The following RGS6 variants were observed in gnomAD, a reference collection of about 807,000 sequenced individuals.
RGS6 encodes regulator of G-protein signaling 6.
A neutral mutation model predicts 78.5 loss-of-function variants in RGS6; 30 were observed. The ratio of observed to expected loss-of-function variants is 0.38; its 90% CI spans 0.29 to 0.52. The LOEUF (loss-of-function observed/expected upper bound fraction) is 0.52, where lower values mean the gene tolerates loss of function less well. Ranked by LOEUF, RGS6 falls within the 20% of genes least tolerant of loss-of-function variation. The pLI is 0.85. For synonymous variants in RGS6, 206 were observed against 206.0 expected, an observed-to-expected ratio of 1.00 and a Z score of 0.00; for missense variants, 495 against 609.7, an observed-to-expected ratio of 0.81 and a Z score of 1.98.
At chr14:72,205,278 T>G (rs911188712) in intron 2 of RGS6, among the ~76,000 whole-genome samples, 2 of 152,156 alleles carry the variant, frequency 1.3e-5, no homozygotes. Flanking sequence ...TTTATTCTCT[T>G]TCTTCCATGC....
chr14:71,953,320 G>T (rs935568014), intron 1 of RGS6, among the ~76,000 whole-genome samples: 2 of 152,114 alleles, frequency 1.3e-5, no homozygotes, highest in Non-Finnish European at 2.9e-5. Flanking sequence ...GAGTTCTGTG[G>T]GCCATACAGT....
chr14:72,080,288 AT>A (rs893963359), intron 2 of RGS6, among the ~76,000 whole-genome samples: 2 of 150,406 alleles, frequency 1.3e-5, no homozygotes, highest in African/African-American at 4.9e-5. Context: ...TAGTGTTGTT[AT>A]TTTTTTTTCA....
chr14:72,158,800 G>A (rs2096809917), intron 2 of RGS6, among the ~76,000 whole-genome samples: 1 of 152,160 alleles, frequency 6.6e-6, no homozygotes, highest in Non-Finnish European at 1.5e-5. Flanking sequence ...CTAAGATTTG[G>A]GACATAGAGC....
intron 2 of RGS6, among the ~76,000 whole-genome samples, chr14:71,969,093 C>A (rs1312062816): frequency 5.3e-5 from 8 of 152,166 alleles, no homozygotes; most frequent in Non-Finnish European, 8.8e-5. Context: ...TTTGTTCTTG[C>A]AATAGTTTGC....
chr14:72,548,450 TGG>T (rs1403794378), intron 17 of RGS6, among the ~76,000 whole-genome samples: 11 of 151,988 alleles, frequency 7.2e-5, no homozygotes, highest in African/African-American at 2.4e-4. Flanking sequence ...AAAAATTTCT[TGG>T]GTTGTAATTG....
At chr14:72,432,792 A>G (rs948496548) in intron 3 of RGS6, among the ~76,000 whole-genome samples, 5 of 152,184 alleles carry the variant, frequency 3.3e-5, no homozygotes, top group African/African-American at 9.6e-5. Context: ...GTTTATTTTA[A>G]CAAAATTCTA....
the RGS6 span, among the ~76,000 whole-genome samples, chr14:71,897,180 T>G: frequency 6.6e-6 from 1 of 152,210 alleles, no homozygotes; most frequent in East Asian, 1.9e-4. Context: ...AGATAATTGT[T>G]TATTGAATCA....
the RGS6 span, among the ~76,000 whole-genome samples, chr14:71,874,125 G>T: frequency 6.6e-6 from 1 of 152,100 alleles, no homozygotes; most frequent in African/African-American, 2.4e-5. Flanking sequence ...GGCAATGTGG[G>T]CTCTTTTTTG....
chr14:72,304,349 C>T (rs4903009), intron 2 of RGS6, among the ~76,000 whole-genome samples: 8,840 of 152,216 alleles, frequency 0.058, 431 homozygotes, highest in East Asian at 0.3. Context: ...TCCATATTAC[C>T]ACATAGAGCA....
intron 14 of RGS6, among the ~76,000 whole-genome samples, chr14:72,517,324 A>G (rs1440087906): frequency 6.6e-6 from 1 of 152,010 alleles, no homozygotes; most frequent in African/African-American, 2.4e-5. Flanking sequence ...TTACTCACTG[A>G]TGGGGGAGCT....
intron 6 of RGS6, among the ~76,000 whole-genome samples, chr14:72,462,830 T>A (rs1188286261): frequency 6.6e-6 from 1 of 152,178 alleles, no homozygotes; most frequent in Non-Finnish European, 1.5e-5. Flanking sequence ...TACTTGATGG[T>A]TGCCAAGGTT....
intron 2 of RGS6, among the ~76,000 whole-genome samples, chr14:72,134,699 CA>C (rs144884047): frequency 6.6e-6 from 1 of 152,260 alleles, no homozygotes; most frequent in African/African-American, 2.4e-5. Context: ...GCTGGAGAAC[CA>C]GAAGAGCTGG....
At chr14:72,116,411 T>C (rs1346255249) in intron 2 of RGS6, among the ~76,000 whole-genome samples, 1 of 152,070 alleles carries the variant, frequency 6.6e-6, no homozygotes, top group Non-Finnish European at 1.5e-5. Context: ...TGGCATTTTC[T>C]GTTGGGTAAT....
chr14:72,445,933 G>A (rs1259462165), intron 3 of RGS6, among the ~76,000 whole-genome samples: 1 of 152,114 alleles, frequency 6.6e-6, no homozygotes, highest in East Asian at 1.9e-4. Flanking sequence ...ATTAGGGTGG[G>A]CCCTAATCTG....
intron 2 of RGS6, among the ~76,000 whole-genome samples, chr14:72,021,931 A>G (rs2088685826): frequency 6.7e-6 from 1 of 148,608 alleles, no homozygotes; most frequent in Non-Finnish European, 1.5e-5. Flanking sequence ...TCCTTCTGCC[A>G]CCCCCACCCT....
rs534119001 is a variant in RGS6 at position 72,262,767 on chromosome 14, C to T, written c.85-89328C>T. 5.3e-4 allele frequency among the ~76,000 whole-genome samples: 81 copies of T among 152,260 alleles called. No individual in the cohort carries two copies. In the Middle Eastern group the frequency reaches 0.01, roughly 19 times the overall value. On this transcript the variant is annotated intron_variant, in intron 2 of 17. Transcript: ENST00000553525. ...GAAACTCAACTCAAACTAGCTGAAG[C>T]AAAAGTGGATATTTTTTGGCTCACA...
intron 13 of RGS6, 131 bp from the exon 14 acceptor site, chr14:72,510,023 T>C: frequency 9.8e-7 from 1 of 1,025,106 alleles, no homozygotes; most frequent in South Asian, 1.7e-5. Context: ...TTTTGTAGAA[T>C]CTGCCCCTTA....
intron 3 of RGS6, among the ~76,000 whole-genome samples, chr14:72,370,845 T>C (rs1301232790): frequency 6.6e-6 from 1 of 152,248 alleles, no homozygotes; most frequent in African/African-American, 2.4e-5. Flanking sequence ...CCTTTTCCTT[T>C]TTCCTTTTGT....
intron 6 of RGS6, among the ~76,000 whole-genome samples, chr14:72,461,621 G>A (rs757347371): frequency 6.6e-6 from 1 of 152,130 alleles, no homozygotes; most frequent in Non-Finnish European, 1.5e-5. Context: ...GAGCCCAGGA[G>A]TTCAAAGCTG....
Sources: allele counts gnomAD v4.1 joint callset (sites outside exome capture counted in the v4.1 genomes callset), GRCh38; gene constraint gnomAD v4.1.1; transcripts MANE v1.5; gene names NCBI Gene and HGNC (gene_info 2026-07-23, HGNC 2026-07-21).